The following PANK4 variants were observed in gnomAD, a reference collection of about 807,000 sequenced individuals.
PANK4 encodes 4'-phosphopantetheine phosphatase.
Under a neutral mutation model 87.9 loss-of-function variants are expected in PANK4, and 40 were observed. The ratio of observed to expected loss-of-function variants is 0.46; its 90% CI spans 0.35 to 0.59. PANK4 has a LOEUF of 0.59. PANK4 is among the 20% of genes least tolerant of loss of function. The pLI is 0.00. For missense variants in PANK4, 926 were observed against 1,072.3 expected (o/e 0.86, Z 1.90); for synonymous variants, 524 against 467.4 (o/e 1.12, Z -1.56).
intron 10 of PANK4, among the ~76,000 whole-genome samples, chr1:2,514,695 GCCT>G (rs1643734852): frequency 1.4e-5 from 2 of 140,362 alleles, no homozygotes; most frequent in African/African-American, 5.3e-5. Flanking sequence ...CAGGGTCAGG[GCCT>G]GCTGTGGGGG....
rs1477507553 is a variant in PANK4 at position 2,508,611 on chromosome 1, T to C, written c.*236A>G. ...AGACATACCTGTATAGATCTCTCTATTTATATATATATATATATAAAAGGT... is the reference window on the plus strand; with the variant it reads ...AGACATACCTGTATAGATCTCTCTACTTATATATATATATATATAAAAGGT... On this transcript the variant is annotated 3_prime_UTR_variant, in exon 19 of 19. Transcript: ENST00000378466. This position sits in a 1 kb window ranked among gnomAD's most constrained non-coding sequence, Gnocchi z 5.1. The C allele has an allele frequency of 4.4e-6, 1 of 229,574 alleles. No homozygotes were observed. The highest frequency in any genetic ancestry group is 7.5e-6 in the Non-Finnish European group (1 of 132,570). 14.2% of individuals were successfully genotyped at this position (229,574 alleles called of 1,614,324 possible).
At position 2,515,355 on chromosome 1, in the gene PANK4, G is replaced by A. The variant is rs1481619455; in HGVS notation, c.1374+207C>T. The A allele has an allele frequency of 2.8e-6, 2 of 702,524 alleles. No individual in the cohort carries two copies. Among genetic ancestry groups the A allele is most frequent in the Admixed American group, 2.0e-5 (1 of 49,958 alleles). 43.5% of individuals were successfully genotyped at this position (702,524 alleles called of 1,614,324 possible). A position where few individuals can be genotyped will look rare whatever the true frequency, so the allele number is the denominator to read the frequency against. On this transcript the variant is annotated intron_variant, in intron 10 of 18. Coordinates refer to ENST00000378466, the MANE Select transcript of PANK4 (RefSeq NM_018216.4). The surrounding 1 kb of genome is among the most constrained non-coding windows in gnomAD (Gnocchi z 5.0). ...CTTAGAAGCAACGTGCCTCGCAGAC[G>A]CCACGTCCTCACTGACCCACCAGGT...
rs752922102 is a variant in PANK4, at chr1:2,521,343, T to C, written c.208-28A>G. ...GGAAAACAGAGTAGGGGAGGCCGCATGTGTGTGGGACACCGCGCCGGGCTG... is the reference window on the plus strand; with the variant it reads ...GGAAAACAGAGTAGGGGAGGCCGCACGTGTGTGGGACACCGCGCCGGGCTG... On this transcript the variant is annotated intron_variant, in intron 2 of 18. Transcript: ENST00000378466. 8 of 1,560,712 alleles carry C rather than the reference T, an allele frequency of 5.1e-6. No individual in the cohort carries two copies. The Admixed American group carries it at 1.0e-4, about 20-fold the overall frequency.
intron 2 of PANK4, 30 bp downstream of exon 2, chr1:2,521,688 C>G: frequency 6.3e-7 from 1 of 1,576,360 alleles, no homozygotes; most frequent in Non-Finnish European, 8.7e-7. Flanking sequence ...AGCGGCTGCC[C>G]TGCCCCGGGT....
At position 2,514,431 on chromosome 1, in the gene PANK4, A is replaced by G. The variant is rs925528522; in HGVS notation, c.1410T>C (p.Ser470=). 3 of 1,611,796 alleles carry G rather than the reference A, an allele frequency of 1.9e-6. No individual in the cohort carries two copies. The highest frequency in any genetic ancestry group is 2.2e-5 in the South Asian group (2 of 91,064). The change falls in exon 11 of 19, where the codon TCT becomes TCC. Residue 470 remains serine (S), a synonymous_variant. Coordinates refer to ENST00000378466, the MANE Select transcript of PANK4 (RefSeq NM_018216.4). ...VKRAVASQPD[S]VDAAERAEKF... is the part of the protein sequence containing the mutation. ...TCTCCGCCCTCTCGGCTGCATCCAC[A>G]GAGTCTGGCTGGCTCGCCACTGCGC...
At position 2,512,898 on chromosome 1, in the gene PANK4, C is replaced by T. The variant is rs138326807; in HGVS notation, c.1717G>A (p.Ala573Thr). 64 of 1,612,698 alleles carry T rather than the reference C, an allele frequency of 4.0e-5. No homozygotes were observed. The highest frequency in any genetic ancestry group is 5.3e-5 in the Non-Finnish European group (62 of 1,179,878). ...CCCGCAGACACCTACGCAGACACGG[C>T]TTTGGCCCCCCAGTCGAAGACATTC... ...AGNVFDWGAKAVSAVLESDPY... is the reference protein window; with the variant it reads ...AGNVFDWGAKTVSAVLESDPY... The change falls in exon 13 of 19, where the codon GCC becomes ACC. Residue 573 changes from alanine (A) to threonine (T), a missense_variant. Ala to Thr is a moderately conservative substitution (Grantham distance 58). Coordinates refer to ENST00000378466, the MANE Select transcript of PANK4 (RefSeq NM_018216.4).
Position 2,526,566 on chromosome 1 carries a change from C to G in PANK4, c.22G>C (p.Gly8Arg), listed in dbSNP as rs1266719814. ...AGACTGTCCCCGCTGCTCCCGCTGCCGCTCGCTCCACACTCCGCCATTTTG... is the reference window on the plus strand; with the variant it reads ...AGACTGTCCCCGCTGCTCCCGCTGCGGCTCGCTCCACACTCCGCCATTTTG... MAECGAS[G>R]SGSSGDSLDK... is the part of the protein sequence containing the mutation. Residue 8 changes from glycine (G) to arginine (R), a missense_variant, in exon 1 of 19, where the codon GGC (glycine) becomes CGC (arginine). By Grantham distance (125) the Gly-to-Arg change is moderately radical. Coordinates refer to ENST00000378466, the MANE Select transcript of PANK4 (RefSeq NM_018216.4). 1.9e-6 allele frequency: 3 copies of G among 1,602,288 alleles called. No individual in the cohort carries two copies. The highest frequency in any genetic ancestry group is 3.3e-4 in the Middle Eastern group (2 of 6,036).
In PANK4 at chr1:2,520,262, G is replaced by C. The variant is rs1173278827; in HGVS notation, c.699+60C>G. 1 of 1,494,986 alleles carries C rather than the reference G, an allele frequency of 6.7e-7. No homozygotes were observed. Among genetic ancestry groups the C allele is most frequent in the Non-Finnish European group, 9.3e-7 (1 of 1,073,390 alleles). 92.6% of individuals were successfully genotyped at this position (1,494,986 alleles called of 1,614,324 possible). On this transcript the variant is annotated intron_variant, in intron 5 of 18. Coordinates refer to ENST00000378466, the MANE Select transcript of PANK4 (RefSeq NM_018216.4). The surrounding 1 kb of genome is among the most constrained non-coding windows in gnomAD (Gnocchi z 6.2). ...TTGCACCGCCCAGCTGCAGGCCTTC[G>C]GGGGAAGGAAGCAGACATCTCCGCA...
chr1:2,510,107 G>C lies in PANK4; in HGVS notation c.1989C>G (p.Ser663Arg). The C allele has an allele frequency of 6.2e-7, 1 of 1,611,190 alleles. No homozygotes were observed. The highest frequency in any genetic ancestry group is 8.5e-7 in the Non-Finnish European group (1 of 1,179,172). ...SGPALNDVTH[S>R]ESLIVAERIA... Reference sequence around the variant, plus strand: ...TACGCTCTGCCACGATGAGGGACTCGCTGTGGGTCACGTCGTTCAGGGCGG... The same window carrying C: ...TACGCTCTGCCACGATGAGGGACTCCCTGTGGGTCACGTCGTTCAGGGCGG... The change falls in exon 17 of 19, where the codon AGC becomes AGG. Residue 663 changes from serine (S) to arginine (R), a missense_variant. Coordinates refer to ENST00000378466, the MANE Select transcript of PANK4 (RefSeq NM_018216.4). The surrounding 1 kb of genome is among the most constrained non-coding windows in gnomAD (Gnocchi z 4.9).
At position 2,509,925 on chromosome 1, in the gene PANK4, G is replaced by A; in HGVS notation, c.2045C>T (p.Ala682Val). 11 of 1,611,570 alleles carry A rather than the reference G, an allele frequency of 6.8e-6. No individual in the cohort carries two copies. Among genetic ancestry groups the A allele is most frequent in the Non-Finnish European group, 9.3e-6 (11 of 1,179,568 alleles). ...CAGCAGCAGCCTCTCTTCCTGGAGC[G>A]CAGAGCTGCCAGATACAAGGTGGTC... ...IAGMDPVVHS[A>V]LQEERLLLVQ... Residue 682 changes from alanine to valine, a missense_variant, in exon 18 of 19, where the codon GCG becomes GTG. Physicochemically the swap from Ala to Val is moderately conservative, Grantham distance 64. Coordinates refer to ENST00000378466, the MANE Select transcript of PANK4 (RefSeq NM_018216.4). This position sits in a 1 kb window ranked among gnomAD's most constrained non-coding sequence, Gnocchi z 4.9.
Position 2,515,649 on chromosome 1 carries a change from G to C in PANK4, c.1287C>G (p.Pro429=). 6.2e-7 allele frequency: 1 copy of C among 1,613,242 alleles called. No homozygotes were observed. The highest frequency in any genetic ancestry group is 8.5e-7 in the Non-Finnish European group (1 of 1,179,944). The stretch of plus-strand genomic sequence containing the variant: ...GGTCCACCGTGTCGGGCACGTAGGA[G>C]GGCGGGTCCAGGAGGAGCGGCAGGT... ...LVDLPLLLDP[P]SYVPDTVDLT... Residue 429 remains proline, a synonymous_variant, in exon 10 of 19, where the codon CCC becomes CCG. Coordinates refer to ENST00000378466, the MANE Select transcript of PANK4 (RefSeq NM_018216.4). This position sits in a 1 kb window ranked among gnomAD's most constrained non-coding sequence, Gnocchi z 5.0.
In PANK4 at chr1:2,510,644, G is replaced by C. The variant is rs1557436121; in HGVS notation, c.1938+34C>G. 2 of 1,307,034 alleles carry C rather than the reference G, an allele frequency of 1.5e-6. No homozygotes were observed. The highest frequency in any genetic ancestry group is 2.2e-6 in the Non-Finnish European group (2 of 904,642). 81.0% of individuals were successfully genotyped at this position (1,307,034 alleles called of 1,614,324 possible). On this transcript the variant is annotated intron_variant, in intron 16 of 18. Coordinates refer to ENST00000378466, the MANE Select transcript of PANK4 (RefSeq NM_018216.4). The surrounding 1 kb of genome is among the most constrained non-coding windows in gnomAD (Gnocchi z 4.9). ...ACCCCACCGAGAGCAGAGAAGCCCA[G>C]GGGAAGGGCCCCACCCACCACCTCA...
rs745714293 is a variant in PANK4 at position 2,510,581 on chromosome 1, G to A, written c.1938+97C>T. ...CCTGCACCTACCTGCTGCGTCCGGAGGAGCCCCGACCACCGCCAGAGGCCC... is the reference window on the plus strand; with the variant it reads ...CCTGCACCTACCTGCTGCGTCCGGAAGAGCCCCGACCACCGCCAGAGGCCC... On this transcript the variant is annotated intron_variant, in intron 16 of 18. Coordinates refer to ENST00000378466, the MANE Select transcript of PANK4 (RefSeq NM_018216.4). The surrounding 1 kb of genome is among the most constrained non-coding windows in gnomAD (Gnocchi z 4.9). 5.3e-5 allele frequency: 40 copies of A among 751,638 alleles called. No individual in the cohort carries two copies. Among genetic ancestry groups the A allele is most frequent in the Non-Finnish European group, 7.9e-5 (34 of 428,616 alleles). 46.6% of individuals were successfully genotyped at this position (751,638 alleles called of 1,614,324 possible).
chr1:2,513,872 G>T (rs977259639), intron 12 of PANK4, 130 bp downstream of exon 12: 2 of 748,624 alleles, frequency 2.7e-6, no homozygotes, highest in South Asian at 2.9e-5. Context: ...GCTGGAGTTG[G>T]GGCCGCTACC....
In PANK4 at chr1:2,510,685, C is replaced by T; in HGVS notation, c.1931G>A (p.Gly644Glu). ...CACCACCTCAACACTCACCTCTGTC[C>T]CTCTAAGGAGTAGCTCCCTGACAAA... Reference protein sequence around the residue: ...FPFVRELLLRGTEVILACNSG... With the variant: ...FPFVRELLLRETEVILACNSG... The change falls in exon 16 of 19, where the codon GGG becomes GAG. Residue 644 changes from glycine (G) to glutamate (E), a missense_variant. Gly to Glu is a moderately conservative substitution (Grantham distance 98). Transcript: ENST00000378466. The surrounding 1 kb of genome is among the most constrained non-coding windows in gnomAD (Gnocchi z 4.9). 6.3e-7 allele frequency: 1 copy of T among 1,578,706 alleles called. No homozygotes were observed. Among genetic ancestry groups the T allele is most frequent in the African/African-American group, 1.3e-5 (1 of 74,270 alleles).
chr1:2,520,514 C>T lies in PANK4; in HGVS notation c.607-100G>A, dbSNP rs1344454891. The T allele has an allele frequency of 4.6e-6, 5 of 1,087,250 alleles. No homozygotes were observed. Among genetic ancestry groups the T allele is most frequent in the Middle Eastern group, 2.9e-4 (1 of 3,414 alleles). 67.4% of individuals were successfully genotyped at this position (1,087,250 alleles called of 1,614,324 possible). On this transcript the variant is annotated intron_variant, in intron 4 of 18. Coordinates refer to ENST00000378466, the MANE Select transcript of PANK4 (RefSeq NM_018216.4). The surrounding 1 kb of genome is among the most constrained non-coding windows in gnomAD (Gnocchi z 6.2). Reference sequence around the variant, plus strand: ...TGCTGCGCTGGGGTGAACCCCGCCCCCACCCCAACCGCCAGTGGGAGGACT... The same window carrying T: ...TGCTGCGCTGGGGTGAACCCCGCCCTCACCCCAACCGCCAGTGGGAGGACT...
At chr1:2,522,338 G>A (rs1348235699) in intron 1 of PANK4, among the ~76,000 whole-genome samples, 1 of 152,192 alleles carries the variant, frequency 6.6e-6, no homozygotes, top group African/African-American at 2.4e-5. Flanking sequence ...AGAGGCTCCA[G>A]GCAGAAAATG....
Position 2,514,475 on chromosome 1 carries a change from G to A in PANK4, c.1375-9C>T, listed in dbSNP as rs1164900596. ...ACTGCGCGCTTCACTACCTGCCAGC[G>A]ACAGAAGGAGGGGGTTAGTCAAGCG... is the stretch of plus-strand genomic sequence containing the variant. On this transcript the variant is annotated splice_polypyrimidine_tract_variant and intron_variant, in intron 10 of 18. Coordinates refer to ENST00000378466, the MANE Select transcript of PANK4 (RefSeq NM_018216.4). The A allele has an allele frequency of 1.2e-5, 19 of 1,593,814 alleles. No homozygotes were observed. The highest frequency in any genetic ancestry group is 1.5e-5 in the Non-Finnish European group (18 of 1,171,356).
rs558776026 is a variant in PANK4 at position 2,508,718 on chromosome 1, C to T, written c.*129G>A. ...CGCCTCTGGGTCACACGCATCTGTG[C>T]GGCTGGGGTGTATGTGCCGCGTCAC... On this transcript the variant is annotated 3_prime_UTR_variant, in exon 19 of 19. Coordinates refer to ENST00000378466, the MANE Select transcript of PANK4 (RefSeq NM_018216.4). The surrounding 1 kb of genome is among the most constrained non-coding windows in gnomAD (Gnocchi z 5.1). 5.1e-4 allele frequency: 327 copies of T among 642,346 alleles called. No homozygotes were observed. Among genetic ancestry groups the T allele is most frequent in the Non-Finnish European group, 7.7e-4 (273 of 355,176 alleles). The allele number at this position is 642,346 out of a possible 1,614,324, so 39.8% of individuals were successfully genotyped here. A position where few individuals can be genotyped will look rare whatever the true frequency, so the allele number is the denominator to read the frequency against.
Sources: allele counts gnomAD v4.1 joint callset (sites outside exome capture counted in the v4.1 genomes callset), GRCh38; gene constraint gnomAD v4.1.1; non-coding constraint Gnocchi (gnomAD v3.1); transcripts MANE v1.5; gene names NCBI Gene and HGNC (gene_info 2026-07-23, HGNC 2026-07-21).